Variants in AVL9 observed in about 807,000 individuals in gnomAD.
The protein encoded by AVL9 is AVL9 cell migration associated.
Under a neutral mutation model 79.2 loss-of-function variants are expected in AVL9, and 49 were observed. That is an observed-to-expected ratio of 0.62 (90% CI 0.49 to 0.79). AVL9 has a LOEUF of 0.79. AVL9 is among the 30% of genes least tolerant of loss of function. The pLI, the probability that AVL9 is intolerant of heterozygous loss-of-function variation, is 0.00. For synonymous variants in AVL9, 299 were observed against 280.6 expected, an observed-to-expected ratio of 1.07 and a Z score of -0.65; for missense variants, 682 against 776.8, an observed-to-expected ratio of 0.88 and a Z score of 1.45.
intron 3 of AVL9, among the ~76,000 whole-genome samples, chr7:32,546,604 C>T (rs1051635013): frequency 3.3e-5 from 5 of 151,998 alleles, no homozygotes; most frequent in Non-Finnish European, 7.4e-5. Context: ...GGGCGGATCA[C>T]GAAGTTAGGA....
At chr7:32,556,167 G>T (rs1477392323) in intron 8 of AVL9, among the ~76,000 whole-genome samples, 2 of 152,046 alleles carry the variant, frequency 1.3e-5, no homozygotes, top group African/African-American at 2.4e-5. Context: ...GAGAACATAG[G>T]TTATTTTTTT....
At position 32,551,436 on chromosome 7, in the gene AVL9, C is replaced by A. The variant is rs924237005; in HGVS notation, c.462+13C>A. ...TTCTATTCTAAAGGTAACTTTATAC[C>A]CCTCTATAGATGTGTTTGGCTGAAG... On this transcript the variant is annotated intron_variant, in intron 5 of 15. Transcript: ENST00000318709. The A allele has an allele frequency of 6.9e-7, 1 of 1,441,672 alleles. No individual in the cohort carries two copies. Among genetic ancestry groups the A allele is most frequent in the Non-Finnish European group, 9.8e-7 (1 of 1,024,908 alleles). The allele number at this position is 1,441,672 out of a possible 1,614,324, so 89.3% of individuals were successfully genotyped here. A position where few individuals can be genotyped will look rare whatever the true frequency, so the allele number is the denominator to read the frequency against.
At chr7:32,570,210 T>G in intron 11 of AVL9, 56 bp downstream of exon 11, 1 of 1,600,414 alleles carries the variant, frequency 6.2e-7, no homozygotes, top group Non-Finnish European at 8.5e-7. Context: ...TTTTCCTTTC[T>G]TAACTACAAT....
At chr7:32,564,432 G>A (rs918756325) in intron 10 of AVL9, among the ~76,000 whole-genome samples, 1 of 152,184 alleles carries the variant, frequency 6.6e-6, no homozygotes, top group Non-Finnish European at 1.5e-5. Context: ...TCCTTGTACA[G>A]AAGGAATTAG....
chr7:32,526,924 A>G (rs914730115), intron 1 of AVL9, among the ~76,000 whole-genome samples: 1 of 151,976 alleles, frequency 6.6e-6, no homozygotes, highest in Admixed American at 6.6e-5. Context: ...CTGCGGCACA[A>G]ATTTCCTGAG....
chr7:32,508,498 TTG>T (rs1470771481), intron 1 of AVL9, among the ~76,000 whole-genome samples: 1 of 152,240 alleles, frequency 6.6e-6, no homozygotes, highest in East Asian at 1.9e-4. Context: ...ATATTTCACA[TTG>T]TTTTTTCCTA....
chr7:32,504,270 CT>C (rs1308044299), intron 1 of AVL9, among the ~76,000 whole-genome samples: 1 of 151,890 alleles, frequency 6.6e-6, no homozygotes, highest in East Asian at 1.9e-4. Context: ...AATTTTTTTC[CT>C]GTAAGAAAAA....
At chr7:32,528,203 G>A (rs541906755) in intron 1 of AVL9, among the ~76,000 whole-genome samples, 5 of 152,076 alleles carry the variant, frequency 3.3e-5, no homozygotes, top group African/African-American at 9.6e-5. Context: ...CCCCACCCAC[G>A]CCTTCGAGTT....
In AVL9 at chr7:32,554,513, C is replaced by T. The variant is rs371042323; in HGVS notation, c.571-45C>T. 1.6e-4 allele frequency: 197 copies of T among 1,221,708 alleles called. 3 individuals are homozygous for T. In the South Asian group the frequency reaches 1.9e-3, roughly 12 times the overall value. The allele number at this position is 1,221,708 out of a possible 1,614,324, so 75.7% of individuals were successfully genotyped here. On this transcript the variant is annotated intron_variant, in intron 7 of 15. Coordinates refer to ENST00000318709, the MANE Select transcript of AVL9 (RefSeq NM_015060.3). ...AGGAGGGGAAAAGATGAATTATAGG[C>T]GTGAGTCTCTCATTTCAATACAACA...
At chr7:32,519,605 T>C (rs1476484101) in intron 1 of AVL9, among the ~76,000 whole-genome samples, 1 of 152,114 alleles carries the variant, frequency 6.6e-6, no homozygotes, top group Non-Finnish European at 1.5e-5. Context: ...CTTGATTTTT[T>C]TCACTAGGAA....
rs1446416686 is a variant in AVL9 at position 32,587,825 on chromosome 7, T to C, written c.*3918T>C. The stretch of plus-strand genomic sequence containing the variant: ...TAACATTGGAATTGTTTTTCCATAA[T>C]TTCCGGCATTCCATAAATATTTGTC... On this transcript the variant is annotated 3_prime_UTR_variant, in exon 16 of 16. Coordinates refer to ENST00000318709, the MANE Select transcript of AVL9 (RefSeq NM_015060.3). 1 of 152,244 alleles carries C rather than the reference T, an allele frequency of 6.6e-6. No individual in the cohort carries two copies. The highest frequency in any genetic ancestry group is 1.5e-5 in the Non-Finnish European group (1 of 68,040). 9.4% of individuals were successfully genotyped at this position (152,244 alleles called of 1,614,324 possible).
At chr7:32,517,008 G>A (rs1280661930) in intron 1 of AVL9, among the ~76,000 whole-genome samples, 1 of 152,166 alleles carries the variant, frequency 6.6e-6, no homozygotes, top group East Asian at 1.9e-4. Context: ...TAAGTCTGCT[G>A]TTACTTTTTT....
At chr7:32,547,411 A>T (rs1282540409) in intron 3 of AVL9, among the ~76,000 whole-genome samples, 1 of 152,142 alleles carries the variant, frequency 6.6e-6, no homozygotes, top group Non-Finnish European at 1.5e-5. Context: ...TTACATACTT[A>T]TATGTGAGAT....
chr7:32,540,472 G>T (rs1218373586), intron 1 of AVL9, among the ~76,000 whole-genome samples: 2 of 152,200 alleles, frequency 1.3e-5, no homozygotes, highest in East Asian at 3.8e-4. Context: ...GTAGAGCAAA[G>T]AAATTCTTTC....
Position 32,502,823 on chromosome 7 carries a change from G to C in AVL9, c.93+7021G>C, listed in dbSNP as rs192896461. Among the ~76,000 whole-genome samples the C allele has an allele frequency of 7.6e-4, 116 of 152,328 alleles. 1 individual carries two copies. The highest frequency in any genetic ancestry group is 2.5e-3 in the African/African-American group (102 of 41,580). On this transcript the variant is annotated intron_variant, in intron 1 of 15. Coordinates refer to ENST00000318709, the MANE Select transcript of AVL9 (RefSeq NM_015060.3). Reference sequence around the variant, plus strand: ...TTTAACATAGAGTGATTTGCACGTGGCTCTGACTTTGTTGGGCCCTAGCCG... The same window carrying C: ...TTTAACATAGAGTGATTTGCACGTGCCTCTGACTTTGTTGGGCCCTAGCCG...
At chr7:32,548,950 A>C in intron 4 of AVL9, 32 bp downstream of exon 4, 1 of 1,424,872 alleles carries the variant, frequency 7.0e-7, no homozygotes, top group Non-Finnish European at 9.5e-7. Flanking sequence ...TCATTATGTT[A>C]AACCTTCATG....
Position 32,555,085 on chromosome 7 carries a change from T to C in AVL9, c.609+489T>C, listed in dbSNP as rs149628257. On this transcript the variant is annotated intron_variant, in intron 8 of 15. Coordinates refer to ENST00000318709, the MANE Select transcript of AVL9 (RefSeq NM_015060.3). ...CGGGCACGGTGGCTCACACTTGTAA[T>C]CCTAGCACTTTGGGAGGCTGAAGCA... Among the ~76,000 whole-genome samples the C allele has an allele frequency of 1.9e-3, 288 of 152,278 alleles. 1 individual carries two copies. The highest frequency in any genetic ancestry group is 6.7e-3 in the African/African-American group (278 of 41,576).
intron 1 of AVL9, among the ~76,000 whole-genome samples, chr7:32,515,888 G>GAA (rs59567259): frequency 4.0e-5 from 6 of 150,918 alleles, no homozygotes; most frequent in Admixed American, 6.6e-5. Flanking sequence ...TGCTGCAAAA[G>GAA]AAAAAAAAAT....
At chr7:32,550,697 GAAAT>G (rs768851553) in intron 4 of AVL9, among the ~76,000 whole-genome samples, 1 of 151,994 alleles carries the variant, frequency 6.6e-6, no homozygotes, top group Non-Finnish European at 1.5e-5. Flanking sequence ...TCTAAATAGA[GAAAT>G]AAGCATTAAG....
Sources: gnomAD v4.1 joint callset for allele counts (sites outside exome capture counted in the v4.1 genomes callset) on GRCh38, gnomAD v4.1.1 for gene constraint, MANE v1.5 for transcripts, NCBI Gene and HGNC (gene_info 2026-07-23, HGNC 2026-07-21) for gene names.